Variants in WDPCP observed in about 807,000 individuals in gnomAD.
WDPCP encodes WD repeat containing planar cell polarity effector, also known as WD repeat-containing and planar cell polarity effector protein fritz homolog.
WDPCP carries 71 observed loss-of-function variants against 93.1 expected under a neutral mutation model. The ratio of observed to expected loss-of-function variants is 0.76; its 90% CI spans 0.63 to 0.93. The LOEUF (loss-of-function observed/expected upper bound fraction) is 0.93, where lower values mean the gene tolerates loss of function less well. Ranked by LOEUF, WDPCP falls within the 40% of genes least tolerant of loss-of-function variation. The probability of loss-of-function intolerance (pLI) is 0.00; values close to 1 mark genes in which losing one functional copy is unlikely to be tolerated. For missense variants in WDPCP, 844 were observed against 887.4 expected (o/e 0.95, Z 0.62); for synonymous variants, 315 against 315.0 (o/e 1.00, Z 0.00).
chr2:63,198,934 C>G (rs1574854516), intron 14 of WDPCP, among the ~76,000 whole-genome samples: 1 of 152,076 alleles, frequency 6.6e-6, no homozygotes, highest in Non-Finnish European at 1.5e-5. Context: ...TTGTTGAAGT[C>G]CAGGCTAAGG....
intron 1 of WDPCP, among the ~76,000 whole-genome samples, chr2:63,543,021 T>C (rs1211073793): frequency 1.3e-5 from 2 of 151,796 alleles, no homozygotes; most frequent in Non-Finnish European, 2.9e-5. Flanking sequence ...ATACTAAAGG[T>C]GGTAGTTTTG....
At chr2:63,597,540 C>T in intron 3 of WDPCP, 2 of 1,477,660 alleles carry the variant, frequency 1.4e-6, no homozygotes, top group South Asian at 1.4e-5. Flanking sequence ...TCCCAGGGTG[C>T]AGCCTTAGAT....
chr2:63,492,989 G>A (rs758041007), intron 1 of WDPCP, 49 bp from the exon 2 acceptor site: 2 of 1,514,060 alleles, frequency 1.3e-6, no homozygotes, highest in Middle Eastern at 1.7e-4. Context: ...ATCTTCTATT[G>A]CCAATAAAAC....
intron 2 of WDPCP, among the ~76,000 whole-genome samples, chr2:63,706,692 C>T (rs954567978): frequency 1.4e-5 from 2 of 145,022 alleles, no homozygotes; most frequent in African/African-American, 5.0e-5. Flanking sequence ...TCTCGGCTCA[C>T]TGCAAGCTCC....
In WDPCP at chr2:63,548,518, A is replaced by G. The variant is rs140671261; in HGVS notation, c.75+39679T>C. On this transcript the variant is annotated intron_variant, in intron 1 of 17. Coordinates refer to ENST00000272321, the MANE Select transcript of WDPCP (RefSeq NM_015910.7). ...GAACAGCATTAACAAATCTGTCACA[A>G]TTGGCATGTAGAGAACACTACACTC... 3.8e-3 allele frequency among the ~76,000 whole-genome samples: 578 copies of G among 152,322 alleles called. 4 individuals are homozygous for G. Among genetic ancestry groups the G allele is most frequent in the African/African-American group, 0.013 (541 of 41,574 alleles).
chr2:63,265,258 TAAAC>T (rs911576634), intron 13 of WDPCP, among the ~76,000 whole-genome samples: 11 of 151,794 alleles, frequency 7.2e-5, no homozygotes, highest in Admixed American at 5.9e-4. Flanking sequence ...TTTGAAAAGA[TAAAC>T]AAAACTGACT....
At chr2:63,604,666 C>A in intron 3 of WDPCP, 1 of 1,563,816 alleles carries the variant, frequency 6.4e-7, no homozygotes, top group South Asian at 1.1e-5. Context: ...CCATTTGTCT[C>A]AGTAATGTAT....
chr2:63,691,347 G>A (rs1325681584), intron 2 of WDPCP, among the ~76,000 whole-genome samples: 1 of 152,152 alleles, frequency 6.6e-6, no homozygotes, highest in Non-Finnish European at 1.5e-5. Flanking sequence ...CAGAAAAGAA[G>A]TAGTAGGCTG....
chr2:63,639,069 A>C (rs1207102008), intron 3 of WDPCP, among the ~76,000 whole-genome samples: 1 of 152,230 alleles, frequency 6.6e-6, no homozygotes. Flanking sequence ...AATATGAAAT[A>C]GAGAATTTGA....
rs552880121 is a variant in WDPCP at position 63,185,281 on chromosome 2, T to A, written c.1916-10449A>T. On this transcript the variant is annotated intron_variant, in intron 14 of 17. Coordinates refer to ENST00000272321, the MANE Select transcript of WDPCP (RefSeq NM_015910.7). Reference sequence around the variant, plus strand: ...AGTTAGTGTAATCCTTTGAGGGGTGTCATAACTCCCTGACTTGACTTTTCA... The same window carrying A: ...AGTTAGTGTAATCCTTTGAGGGGTGACATAACTCCCTGACTTGACTTTTCA... Among the ~76,000 whole-genome samples the A allele has an allele frequency of 5.9e-5, 9 of 152,354 alleles. No homozygotes were observed. In the South Asian group the frequency reaches 1.9e-3, roughly 32 times the overall value.
At chr2:63,248,570 A>C (rs1293224049) in intron 14 of WDPCP, among the ~76,000 whole-genome samples, 2 of 151,526 alleles carry the variant, frequency 1.3e-5, no homozygotes, top group Non-Finnish European at 2.9e-5. Context: ...TGTATTTCCT[A>C]AAATTTGGGA....
intron 3 of WDPCP, among the ~76,000 whole-genome samples, chr2:63,637,300 C>A (rs1022212429): frequency 1.3e-5 from 2 of 150,508 alleles, no homozygotes; most frequent in Non-Finnish European, 3.0e-5. Context: ...TGCAGTGAGC[C>A]GAGATCATGC....
chr2:63,465,227 A>G (rs1268973982), intron 6 of WDPCP, among the ~76,000 whole-genome samples: 2 of 152,128 alleles, frequency 1.3e-5, no homozygotes, highest in African/African-American at 2.4e-5. Flanking sequence ...CTGAGTTCCC[A>G]TAATAAACCT....
chr2:63,567,255 C>T (rs1177377165), intron 1 of WDPCP, among the ~76,000 whole-genome samples: 1 of 152,124 alleles, frequency 6.6e-6, no homozygotes, highest in Non-Finnish European at 1.5e-5. Flanking sequence ...AAATTCAAAC[C>T]CTATCCTTCC....
At chr2:63,514,578 C>T (rs1702435780) in intron 1 of WDPCP, among the ~76,000 whole-genome samples, 1 of 152,114 alleles carries the variant, frequency 6.6e-6, no homozygotes, top group African/African-American at 2.4e-5. Context: ...TGTCACCTGG[C>T]ACTTAAAAAT....
chr2:63,670,417 G>A (rs957604746), intron 2 of WDPCP, among the ~76,000 whole-genome samples: 1 of 152,114 alleles, frequency 6.6e-6, no homozygotes, highest in Non-Finnish European at 1.5e-5. Context: ...TAAGGAAAGT[G>A]TGATCCTGGG....
chr2:63,476,726 G>C (rs1699996633), intron 6 of WDPCP, among the ~76,000 whole-genome samples: 1 of 152,118 alleles, frequency 6.6e-6, no homozygotes, highest in Non-Finnish European at 1.5e-5. Flanking sequence ...ATTATTAATA[G>C]TTATAACTTG....
At chr2:63,835,004 C>T in the WDPCP span, among the ~76,000 whole-genome samples, 1 of 151,746 alleles carries the variant, frequency 6.6e-6, no homozygotes, top group Non-Finnish European at 1.5e-5. Flanking sequence ...TACTGCTATT[C>T]ATTATTGGCA....
intron 2 of WDPCP, among the ~76,000 whole-genome samples, chr2:63,681,602 G>A (rs1710491537): frequency 6.6e-6 from 1 of 152,096 alleles, no homozygotes; most frequent in Admixed American, 6.5e-5. Context: ...GATTTCCCTG[G>A]GGCAACTCAC....
Sources: allele counts gnomAD v4.1 joint callset (sites outside exome capture counted in the v4.1 genomes callset), GRCh38; gene constraint gnomAD v4.1.1; transcripts MANE v1.5; gene names NCBI Gene and HGNC (gene_info 2026-07-23, HGNC 2026-07-21).